ZNF90: variants seen among roughly 807,000 people sequenced by gnomAD.
The protein encoded by ZNF90 is zinc finger protein 90, also known as zinc finger protein HTF9.
In ZNF90, 11 loss-of-function variants were observed where a neutral mutation model predicts 12.0. That is an observed-to-expected ratio of 0.92 (90% CI 0.58 to 1.52). The LOEUF (loss-of-function observed/expected upper bound fraction) is 1.52, where lower values mean the gene tolerates loss of function less well. ZNF90 is among the 40% of genes most tolerant of loss of function. ZNF90 has a pLI of 0.00. For synonymous variants in ZNF90, 232 were observed against 240.1 expected (o/e 0.97, Z 0.31); for missense variants, 765 against 711.5 (o/e 1.08, Z -0.86).
chr19:20,082,394 A>G (rs1356505081), intron 1 of ZNF90, among the ~76,000 whole-genome samples: 2 of 152,214 alleles, frequency 1.3e-5, no homozygotes, highest in Non-Finnish European at 2.9e-5. Context: ...AAAGAAGTAG[A>G]CATAAGAGAC....
chr19:20,085,268 C>CTTTTTTTTTTCTTTTTTTTCT, intron 1 of ZNF90, among the ~76,000 whole-genome samples: 1 of 135,572 alleles, frequency 7.4e-6, no homozygotes, highest in African/African-American at 2.9e-5. Flanking sequence ...TTGCATTGGT[C>CTTTTTTTTTTCTTTTTTTTCT]TTTTTTTTTT....
At chr19:20,104,170 A>G in intron 1 of ZNF90, 69 bp from the exon 2 acceptor site, 1 of 1,602,402 alleles carries the variant, frequency 6.2e-7, no homozygotes, top group Non-Finnish European at 8.5e-7. Context: ...ATTTCACCTT[A>G]ACTCAAATTA....
chr19:20,112,005 T>C (rs970756676), intron 3 of ZNF90, among the ~76,000 whole-genome samples: 1 of 151,860 alleles, frequency 6.6e-6, no homozygotes, highest in Non-Finnish European at 1.5e-5. Flanking sequence ...ATTACAGGCA[T>C]GCACCACCAT....
chr19:20,117,670 C>T (rs1199103534), intron 3 of ZNF90, 111 bp from the exon 4 acceptor site: 4 of 1,406,442 alleles, frequency 2.8e-6, no homozygotes, highest in Non-Finnish European at 2.8e-6. Flanking sequence ...TTGTTTCTTT[C>T]AGTTATGTGT....
At chr19:20,117,050 A>T (rs35655634) in intron 3 of ZNF90, among the ~76,000 whole-genome samples, 31,823 of 135,538 alleles carry the variant, frequency 0.23, 4,914 homozygotes, top group African/African-American at 0.48. Flanking sequence ...TGTGTGTGAG[A>T]GAGAGAGAGA....
chr19:20,080,725 T>A lies in ZNF90; in HGVS notation c.3+2590T>A, dbSNP rs199546642. Among the ~76,000 whole-genome samples, 25 of 152,276 alleles carry A rather than the reference T, an allele frequency of 1.6e-4. No individual in the cohort carries two copies. The East Asian group carries it at 4.8e-3, about 29-fold the overall frequency. On this transcript the variant is annotated intron_variant, in intron 1 of 3. Transcript: ENST00000418063. Reference sequence around the variant, plus strand: ...ATTTTCAAACAATAGGTGAGAAGCATAGATGGGCCATGGGGTTTGTGACTG... The same window carrying A: ...ATTTTCAAACAATAGGTGAGAAGCAAAGATGGGCCATGGGGTTTGTGACTG...
intron 3 of ZNF90, 32 bp from the exon 4 acceptor site, chr19:20,117,749 T>C (rs200352574): frequency 3.4e-6 from 5 of 1,456,792 alleles, no homozygotes; most frequent in Non-Finnish European, 4.5e-6. Context: ...AATCTAGCAA[T>C]TGAAGTAATG....
intron 1 of ZNF90, among the ~76,000 whole-genome samples, chr19:20,102,422 C>G (rs836912): frequency 6.6e-6 from 1 of 152,036 alleles, no homozygotes; most frequent in Non-Finnish European, 1.5e-5. Flanking sequence ...TTAGCTTAGA[C>G]TGTGGTCCAA....
intron 3 of ZNF90, among the ~76,000 whole-genome samples, chr19:20,106,557 C>A (rs564942329): frequency 4.7e-4 from 71 of 152,292 alleles, no homozygotes; most frequent in African/African-American, 1.6e-3. Flanking sequence ...AGGTTCACGC[C>A]ATTCTCCTGC....
chr19:20,079,115 C>CAAAA lies in ZNF90; in HGVS notation c.3+999_3+1002dup, dbSNP rs139573879. Among the ~76,000 whole-genome samples the CAAAA allele has an allele frequency of 2.5e-3, 174 of 68,732 alleles. 1 individual carries two copies. The highest frequency in any genetic ancestry group is 6.9e-3 in the African/African-American group (160 of 23,084). The allele number at this position is 68,732 out of a possible 152,430, so 45.1% of individuals were successfully genotyped here. A position where few individuals can be genotyped will look rare whatever the true frequency, so the allele number is the denominator to read the frequency against. ...GCATGCGCGACAGAGGGAGAGTCCT[C>CAAAA]AAAAAAAAAAAAAAAAAAAAAAGTA... On this transcript the variant is annotated intron_variant, in intron 1 of 3. Coordinates refer to ENST00000418063, the MANE Select transcript of ZNF90 (RefSeq NM_007138.2).
At chr19:20,085,116 T>C (rs2088848353) in intron 1 of ZNF90, among the ~76,000 whole-genome samples, 1 of 152,120 alleles carries the variant, frequency 6.6e-6, no homozygotes, top group Non-Finnish European at 1.5e-5. Context: ...AATGAAAGGG[T>C]CCAGTTTCTG....
chr19:20,118,137 C>G lies in ZNF90; in HGVS notation c.583C>G (p.His195Asp), dbSNP rs1555705932. 6.2e-7 allele frequency: 1 copy of G among 1,610,742 alleles called. No homozygotes were observed. Among genetic ancestry groups the G allele is most frequent in the East Asian group, 2.3e-5 (1 of 44,146 alleles). ...AACCCTTGCTACACATAAGAAAATT[C>G]ATACTGGAGAGATAACCTGCAAATG... ...SSTLATHKKIHTGEITCKCEE... is the reference protein window; with the variant it reads ...SSTLATHKKIDTGEITCKCEE... Residue 195 changes from histidine to aspartate, a missense_variant, in exon 4 of 4, where the codon CAT (histidine) becomes GAT (aspartate). His to Asp is a moderately conservative substitution (Grantham distance 81, BLOSUM62 -1). Transcript: ENST00000418063.
chr19:20,115,340 AAG>A (rs2089127643), intron 3 of ZNF90, among the ~76,000 whole-genome samples: 1 of 151,824 alleles, frequency 6.6e-6, no homozygotes, highest in Non-Finnish European at 1.5e-5. Flanking sequence ...AGTTTTCTGA[AAG>A]AGAAAAGCTT....
chr19:20,096,183 G>A (rs1028849772), intron 1 of ZNF90, among the ~76,000 whole-genome samples: 47 of 152,264 alleles, frequency 3.1e-4, no homozygotes, highest in African/African-American at 1.1e-3. Flanking sequence ...AAAAGAGGCC[G>A]CTTACCGGAT....
chr19:20,092,497 A>C (rs1001583035), intron 1 of ZNF90, among the ~76,000 whole-genome samples: 2 of 152,202 alleles, frequency 1.3e-5, no homozygotes, highest in East Asian at 1.9e-4. Flanking sequence ...GAATAGGGGC[A>C]GTCTCTAAAG....
intron 1 of ZNF90, among the ~76,000 whole-genome samples, chr19:20,090,565 T>C (rs182658821): frequency 6.6e-6 from 1 of 151,774 alleles, no homozygotes; most frequent in East Asian, 1.9e-4. Flanking sequence ...TCCATCGAGG[T>C]TGTAGAGTTT....
At position 20,120,011 on chromosome 19, in the gene ZNF90, G is replaced by C. The variant is rs536415942; in HGVS notation, c.*651G>C. Among the ~76,000 whole-genome samples the C allele has an allele frequency of 1.3e-5, 2 of 152,120 alleles. No homozygotes were observed. Among genetic ancestry groups the C allele is most frequent in the East Asian group, 3.9e-4 (2 of 5,194 alleles). Reference sequence around the variant, plus strand: ...TCTGTACATAAAGATGATTATACTAGTGTGAAACCCTAGAAATAATAGAAA... The same window carrying C: ...TCTGTACATAAAGATGATTATACTACTGTGAAACCCTAGAAATAATAGAAA... On this transcript the variant is annotated 3_prime_UTR_variant, in exon 4 of 4. Transcript: ENST00000418063.
chr19:20,100,752 C>A (rs149031096), intron 1 of ZNF90, among the ~76,000 whole-genome samples: 1 of 152,206 alleles, frequency 6.6e-6, no homozygotes, highest in Non-Finnish European at 1.5e-5. Context: ...CTAAGCCTAG[C>A]TGGGGAAGGT....
intron 3 of ZNF90, among the ~76,000 whole-genome samples, chr19:20,107,867 T>C (rs2089053265): frequency 6.6e-6 from 1 of 152,198 alleles, no homozygotes; most frequent in Non-Finnish European, 1.5e-5. Flanking sequence ...GATAAATAAC[T>C]AAAATAGTTA....
Sources: gnomAD v4.1 joint callset for allele counts (sites outside exome capture counted in the v4.1 genomes callset) on GRCh38, gnomAD v4.1.1 for gene constraint, MANE v1.5 for transcripts, NCBI Gene and HGNC (gene_info 2026-07-23, HGNC 2026-07-21) for gene names.